Variants in GLDC observed in about 807,000 individuals in gnomAD.
The protein encoded by GLDC is glycine decarboxylase, also known as glycine dehydrogenase (decarboxylating), mitochondrial.
In GLDC, 104 loss-of-function variants were observed where a neutral mutation model predicts 121.3. That is an observed-to-expected ratio of 0.86 (90% CI 0.73 to 1.01). GLDC has a LOEUF of 1.01. GLDC is among the 50% of genes least tolerant of loss of function. The pLI is 0.00. For synonymous variants in GLDC, 546 were observed against 480.6 expected, an observed-to-expected ratio of 1.14 and a Z score of -1.78; for missense variants, 1,429 against 1,306.6, an observed-to-expected ratio of 1.09 and a Z score of -1.44.
intron 9 of GLDC, among the ~76,000 whole-genome samples, chr9:6,594,101 A>G (rs1013308380): frequency 1.3e-4 from 20 of 152,088 alleles, no homozygotes; most frequent in Non-Finnish European, 2.4e-4. Flanking sequence ...CTGACATTAC[A>G]TACACGAGTA....
rs766465179 is a variant in GLDC at position 6,592,956 on chromosome 9, G to A, written c.1296C>T (p.Asp432=). ...LKRAGHQLQH[D]LFFDTLKIQC... is the part of the protein sequence containing the mutation. ...GAATCTTCAAGGTATCAAAGAACAGGTCATGCTGGAGTTGATGCCCTGCTC... is the reference window on the plus strand; with the variant it reads ...GAATCTTCAAGGTATCAAAGAACAGATCATGCTGGAGTTGATGCCCTGCTC... The change falls in exon 10 of 25, where the codon GAC becomes GAT. Residue 432 remains aspartate, a synonymous_variant. Transcript: ENST00000321612. 1.7e-5 allele frequency: 27 copies of A among 1,614,084 alleles called. No homozygotes were observed. Among genetic ancestry groups the A allele is most frequent in the Middle Eastern group, 1.6e-4 (1 of 6,062 alleles).
At chr9:6,610,707 C>G (rs969509582) in intron 3 of GLDC, among the ~76,000 whole-genome samples, 1 of 152,164 alleles carries the variant, frequency 6.6e-6, no homozygotes, top group Non-Finnish European at 1.5e-5. Context: ...TCAAGAGATC[C>G]TCTGGCCTAA....
intron 16 of GLDC, among the ~76,000 whole-genome samples, chr9:6,560,558 A>G (rs1315585811): frequency 6.6e-6 from 1 of 152,190 alleles, no homozygotes; most frequent in Non-Finnish European, 1.5e-5. Context: ...TCTCACAGGT[A>G]TTGCTAGTCT....
At chr9:6,581,159 C>A (rs1252903020) in intron 15 of GLDC, among the ~76,000 whole-genome samples, 1 of 152,194 alleles carries the variant, frequency 6.6e-6, no homozygotes, top group Non-Finnish European at 1.5e-5. Flanking sequence ...ACAAGTGTTG[C>A]TAACTCCAGC....
chr9:6,617,527 A>G (rs1263692239), intron 3 of GLDC, among the ~76,000 whole-genome samples: 1 of 152,220 alleles, frequency 6.6e-6, no homozygotes, highest in Non-Finnish European at 1.5e-5. Context: ...GGAATTTACC[A>G]TTCAAATTTT....
intron 2 of GLDC, among the ~76,000 whole-genome samples, chr9:6,638,644 ACTGT>A (rs138614423): frequency 0.17 from 25,954 of 151,920 alleles, 2,434 homozygotes; most frequent in South Asian, 0.29. Flanking sequence ...GAACTTTTTA[ACTGT>A]CTGTCTGATC....
In GLDC at chr9:6,550,710, G is replaced by A. The variant is rs576196818; in HGVS notation, c.2569+93C>T. 4.2e-5 allele frequency: 33 copies of A among 794,582 alleles called. 1 individual carries two copies. In the East Asian group the frequency reaches 6.6e-4, roughly 16 times the overall value. 49.2% of individuals were successfully genotyped at this position (794,582 alleles called of 1,614,324 possible). A position where few individuals can be genotyped will look rare whatever the true frequency, so the allele number is the denominator to read the frequency against. ...TTCTGATATGTGCTAAGAAATAGAA[G>A]TCTCTTGCCCATGTCAGAAAAGCGC... On this transcript the variant is annotated intron_variant, in intron 21 of 24. Transcript: ENST00000321612.
intron 20 of GLDC, among the ~76,000 whole-genome samples, chr9:6,552,643 G>A (rs1050227037): frequency 6.6e-6 from 1 of 152,130 alleles, no homozygotes; most frequent in African/African-American, 2.4e-5. Context: ...GTGGGAGCCC[G>A]CCTTCCTTTA....
chr9:6,536,018 T>C, intron 23 of GLDC, 46 bp downstream of exon 23: 1 of 1,524,096 alleles, frequency 6.6e-7, no homozygotes, highest in Non-Finnish European at 9.1e-7. Context: ...AGACATCATT[T>C]TCTAGTTTAA....
intron 15 of GLDC, among the ~76,000 whole-genome samples, chr9:6,576,319 T>C (rs1449638168): frequency 6.6e-6 from 1 of 152,172 alleles, no homozygotes; most frequent in Admixed American, 6.5e-5. Flanking sequence ...TGTCCTCACA[T>C]GGTGGAAGGG....
intron 2 of GLDC, among the ~76,000 whole-genome samples, chr9:6,641,608 G>A (rs530022985): frequency 7.2e-5 from 11 of 152,240 alleles, no homozygotes; most frequent in African/African-American, 2.6e-4. Context: ...TGAATATCAC[G>A]GTTTCTTCAT....
chr9:6,562,331 A>G (rs1454104849), intron 16 of GLDC, among the ~76,000 whole-genome samples: 1 of 152,208 alleles, frequency 6.6e-6, no homozygotes, highest in Admixed American at 6.5e-5. Flanking sequence ...AGCTTGAAAG[A>G]AAAGACCCAT....
intron 2 of GLDC, among the ~76,000 whole-genome samples, chr9:6,634,724 C>A (rs1460171515): frequency 6.6e-6 from 1 of 152,152 alleles, no homozygotes; most frequent in African/African-American, 2.4e-5. Flanking sequence ...TCTCTTAGAT[C>A]TGTTCTGTAC....
At chr9:6,546,526 A>C in intron 21 of GLDC, among the ~76,000 whole-genome samples, 1 of 151,948 alleles carries the variant, frequency 6.6e-6, no homozygotes, top group East Asian at 1.9e-4. Context: ...GTCCTCTGGA[A>C]GGTGTTCAGG....
At chr9:6,560,687 C>T (rs559458042) in intron 16 of GLDC, among the ~76,000 whole-genome samples, 1 of 152,090 alleles carries the variant, frequency 6.6e-6, no homozygotes, top group Non-Finnish European at 1.5e-5. Flanking sequence ...AGAATTCATA[C>T]CAGGTGAGTT....
rs1226858221 is a variant in GLDC, at chr9:6,556,139, T to A, written c.2202+14A>T. On this transcript the variant is annotated intron_variant, in intron 18 of 24. Coordinates refer to ENST00000321612, the MANE Select transcript of GLDC (RefSeq NM_000170.3). ...TCTCAGTGGGAACTAAGGGCGGGCCTCTTCAGTTCCCACCTGAGCATTCAT... is the reference window on the plus strand; with the variant it reads ...TCTCAGTGGGAACTAAGGGCGGGCCACTTCAGTTCCCACCTGAGCATTCAT... The A allele has an allele frequency of 1.2e-6, 2 of 1,605,078 alleles. No individual in the cohort carries two copies. Among genetic ancestry groups the A allele is most frequent in the Admixed American group, 3.3e-5 (2 of 60,002 alleles).
At chr9:6,593,044 C>G (rs1289460626) in intron 9 of GLDC, 54 bp from the exon 10 acceptor site, 1 of 1,576,324 alleles carries the variant, frequency 6.3e-7, no homozygotes, top group African/African-American at 1.3e-5. Flanking sequence ...GCTCCTCAGC[C>G]ATTGACATGT....
In GLDC at chr9:6,615,635, C is replaced by T. The variant is rs144232432; in HGVS notation, c.470+4549G>A. 2.6e-4 allele frequency among the ~76,000 whole-genome samples: 39 copies of T among 151,520 alleles called. 1 individual carries two copies. Among genetic ancestry groups the T allele is most frequent in the Non-Finnish European group, 4.1e-4 (28 of 67,858 alleles). The stretch of plus-strand genomic sequence containing the variant: ...ACCAGTATTTTCTTTTTTATTGAAA[C>T]GGAGTCTAACTGTCACCCAGGCTGG... On this transcript the variant is annotated intron_variant, in intron 3 of 24. Transcript: ENST00000321612.
chr9:6,536,728 T>C (rs1411214459), intron 22 of GLDC, among the ~76,000 whole-genome samples: 1 of 152,206 alleles, frequency 6.6e-6, no homozygotes, highest in Non-Finnish European at 1.5e-5. Context: ...GTAATTATCA[T>C]GTATTATGTG....
Sources: gnomAD v4.1 joint callset for allele counts (sites outside exome capture counted in the v4.1 genomes callset) on GRCh38, gnomAD v4.1.1 for gene constraint, MANE v1.5 for transcripts, NCBI Gene and HGNC (gene_info 2026-07-23, HGNC 2026-07-21) for gene names.